LRRK2: variants seen among roughly 807,000 people sequenced by gnomAD.
The protein encoded by LRRK2 is leucine-rich repeat serine/threonine-protein kinase 2.
LRRK2 carries 203 observed loss-of-function variants against 302.6 expected under a neutral mutation model. That is an observed-to-expected ratio of 0.67 (90% CI 0.60 to 0.75). LRRK2 has a LOEUF of 0.75. LRRK2 is among the 30% of genes least tolerant of loss of function. The probability of loss-of-function intolerance (pLI) is 0.00; values close to 1 mark genes in which losing one functional copy is unlikely to be tolerated. For missense variants in LRRK2, 2,830 were observed against 2,951.0 expected (o/e 0.96, Z 0.95); for synonymous variants, 1,066 against 1,031.9 (o/e 1.03, Z -0.63).
rs911609854 is a variant in LRRK2, at chr12:40,321,055, G to C, written c.5037G>C (p.Val1679=). The stretch of plus-strand genomic sequence containing the variant: ...TTAGTTTGTCTGACCACAGGCCTGT[G>C]ATAGAGCTTCCCCATTGTGAGAACT... The part of the protein sequence containing the change: ...VPSSLSDHRP[V]IELPHCENSE... Residue 1679 remains valine, a synonymous_variant, in exon 35 of 51, where the codon GTG becomes GTC. Coordinates refer to ENST00000298910, the MANE Select transcript of LRRK2 (RefSeq NM_198578.4). The C allele has an allele frequency of 1.9e-6, 3 of 1,612,652 alleles. No individual in the cohort carries two copies. The highest frequency in any genetic ancestry group is 8.5e-7 in the Non-Finnish European group (1 of 1,178,986).
intron 20 of LRRK2, among the ~76,000 whole-genome samples, chr12:40,292,369 ATGCC>A (rs1944191782): frequency 6.6e-6 from 1 of 152,044 alleles, no homozygotes; most frequent in African/African-American, 2.4e-5. Context: ...TTACTCTATC[ATGCC>A]TGAAAGAACT....
chr12:40,296,051 C>T (rs915065701), intron 23 of LRRK2, among the ~76,000 whole-genome samples: 5 of 152,114 alleles, frequency 3.3e-5, no homozygotes, highest in African/African-American at 9.7e-5. Flanking sequence ...CATGTCACTC[C>T]GCCTGCTCTA....
intron 20 of LRRK2, among the ~76,000 whole-genome samples, chr12:40,290,237 T>C (rs975515378): frequency 4.6e-5 from 7 of 152,058 alleles, no homozygotes; most frequent in African/African-American, 1.7e-4. Context: ...GATTTTCTAA[T>C]GTTAAACCAA....
intron 3 of LRRK2, 42 bp from the exon 4 acceptor site, chr12:40,235,584 A>T: frequency 1.5e-6 from 2 of 1,328,354 alleles, no homozygotes; most frequent in Non-Finnish European, 2.2e-6. Flanking sequence ...ACTTTTGAGT[A>T]TGATATTTCA....
chr12:40,241,802 C>T (rs1941732928), intron 6 of LRRK2, among the ~76,000 whole-genome samples: 1 of 152,056 alleles, frequency 6.6e-6, no homozygotes, highest in African/African-American at 2.4e-5. Context: ...AACCCAATGC[C>T]CTTGTGAAAG....
In LRRK2 at chr12:40,305,939, T is replaced by A; in HGVS notation, c.3932T>A (p.Ile1311Lys). ...CATCTTAACTTTGATTTTAAACATA[T>A]AGGATGTAAAGCCAAAGACATCATA... is the stretch of plus-strand genomic sequence containing the variant. ...ELHLNFDFKH[I>K]GCKAKDIIRF... The change falls in exon 28 of 51, where the codon ATA (isoleucine) becomes AAA (lysine). Residue 1311 changes from isoleucine to lysine, a missense_variant. Ile to Lys is a moderately radical substitution (Grantham distance 102). Coordinates refer to ENST00000298910, the MANE Select transcript of LRRK2 (RefSeq NM_198578.4). The A allele has an allele frequency of 6.2e-7, 1 of 1,611,602 alleles. No homozygotes were observed. Among genetic ancestry groups the A allele is most frequent in the Non-Finnish European group, 8.5e-7 (1 of 1,178,382 alleles).
In LRRK2 at chr12:40,263,913, A is replaced by G. The variant is rs201682413; in HGVS notation, c.1656+12A>G. Reference sequence around the variant, plus strand: ...CAGCTTTGAACAGGGTATGTTGAATATAAGTTTTCTGTATTTATACTATTA... The same window carrying G: ...CAGCTTTGAACAGGGTATGTTGAATGTAAGTTTTCTGTATTTATACTATTA... On this transcript the variant is annotated intron_variant, in intron 14 of 50. Coordinates refer to ENST00000298910, the MANE Select transcript of LRRK2 (RefSeq NM_198578.4). 1.3e-6 allele frequency: 2 copies of G among 1,563,762 alleles called. No individual in the cohort carries two copies. Among genetic ancestry groups the G allele is most frequent in the Non-Finnish European group, 1.8e-6 (2 of 1,135,060 alleles).
chr12:40,261,037 T>C (rs1592178832), intron 13 of LRRK2, among the ~76,000 whole-genome samples: 2 of 152,206 alleles, frequency 1.3e-5, no homozygotes, highest in Non-Finnish European at 2.9e-5. Flanking sequence ...CAGTCATTTT[T>C]TTCTGGGCCC....
Position 40,239,109 on chromosome 12 carries a change from G to A in LRRK2, c.571+1006G>A, listed in dbSNP as rs183150227. Reference sequence around the variant, plus strand: ...AGATAAAAGTAAACCTATTATTCAGGAGAAGCAATTGGTCTCATGGGAGAT... The same window carrying A: ...AGATAAAAGTAAACCTATTATTCAGAAGAAGCAATTGGTCTCATGGGAGAT... On this transcript the variant is annotated intron_variant, in intron 5 of 50. Coordinates refer to ENST00000298910, the MANE Select transcript of LRRK2 (RefSeq NM_198578.4). 4.9e-4 allele frequency among the ~76,000 whole-genome samples: 75 copies of A among 152,264 alleles called. 1 individual carries two copies. The highest frequency in any genetic ancestry group is 3.1e-3 in the South Asian group (15 of 4,828).
intron 48 of LRRK2, among the ~76,000 whole-genome samples, chr12:40,364,450 T>C (rs558203154): frequency 3.2e-4 from 48 of 152,118 alleles, no homozygotes; most frequent in African/African-American, 1.1e-3. Context: ...ATCTTTTACA[T>C]GTGAATGACT....
rs1945454050 is a variant in LRRK2, at chr12:40,323,302, C to T, written c.5652C>T (p.Leu1884=). The stretch of plus-strand genomic sequence containing the variant: ...AATTTGAACAAGCTCCAGAGTTTCT[C>T]CTAGGTAATTCTTTTTGTTAATTTG... ...ELEFEQAPEF[L]LGDGSFGSVY... is the part of the protein sequence containing the mutation. The change falls in exon 38 of 51, where the codon CTC becomes CTT. Residue 1884 remains leucine, a synonymous_variant. Transcript: ENST00000298910. The T allele has an allele frequency of 1.2e-6, 2 of 1,609,704 alleles. No individual in the cohort carries two copies. Among genetic ancestry groups the T allele is most frequent in the Non-Finnish European group, 1.7e-6 (2 of 1,177,736 alleles).
At chr12:40,357,373 T>C (rs908624050) in intron 46 of LRRK2, among the ~76,000 whole-genome samples, 1 of 144,604 alleles carries the variant, frequency 6.9e-6, no homozygotes, top group Non-Finnish European at 1.5e-5. Flanking sequence ...CTTTTTTTTT[T>C]AGCTATTGTG....
At position 40,225,006 on chromosome 12, in the gene LRRK2, G is replaced by T; in HGVS notation, c.-126G>T. ...GGGCGTGGGCGCCGATGGGGCCCGC[G>T]GGGAGCGCTGGCTGCGGGCGGTGAG... is the stretch of plus-strand genomic sequence containing the variant. On this transcript the variant is annotated 5_prime_UTR_variant, in exon 1 of 51. Transcript: ENST00000298910. The T allele has an allele frequency of 7.8e-7, 1 of 1,284,944 alleles. No homozygotes were observed. Among genetic ancestry groups the T allele is most frequent in the Non-Finnish European group, 1.1e-6 (1 of 914,926 alleles). The allele number at this position is 1,284,944 out of a possible 1,614,324, so 79.6% of individuals were successfully genotyped here.
Position 40,305,977 on chromosome 12 carries a change from T to A in LRRK2, c.3959+11T>A. 6.3e-7 allele frequency: 1 copy of A among 1,592,028 alleles called. No individual in the cohort carries two copies. The highest frequency in any genetic ancestry group is 1.1e-5 in the South Asian group (1 of 89,046). On this transcript the variant is annotated intron_variant, in intron 28 of 50. Coordinates refer to ENST00000298910, the MANE Select transcript of LRRK2 (RefSeq NM_198578.4). ...CAAAGACATCATAAGGTTAGATAAT[T>A]TTTTTCTATTTGGTTTTACTAAATT...
At position 40,354,357 on chromosome 12, in the gene LRRK2, A is replaced by C; in HGVS notation, c.6635A>C (p.Glu2212Ala). The change falls in exon 45 of 51, where the codon GAA (glutamate) becomes GCA (alanine). Residue 2212 changes from glutamate (E) to alanine (A), a missense_variant. Physicochemically the swap from Glu to Ala is moderately radical, Grantham distance 107. This residue lies in a region of LRRK2 where 456 missense variants were observed against 456.3 expected (regional missense o/e 1.00). Transcript: ENST00000298910. ...LALVHLPVEK[E>A]SWIVSGTQSG... ...TTGGTGCATCTTCCTGTTGAAAAGG[A>C]AAGCTGGATTGTGTCTGGGACACAG... The C allele has an allele frequency of 6.2e-7, 1 of 1,614,136 alleles. No homozygotes were observed.
chr12:40,332,085 T>G (rs1160476021), intron 39 of LRRK2, among the ~76,000 whole-genome samples: 2 of 152,210 alleles, frequency 1.3e-5, no homozygotes, highest in Non-Finnish European at 2.9e-5. Context: ...CATCTGTGCT[T>G]TTCTCAACAA....
At chr12:40,357,406 G>T (rs892493985) in intron 46 of LRRK2, among the ~76,000 whole-genome samples, 8 of 152,034 alleles carry the variant, frequency 5.3e-5, no homozygotes, top group Non-Finnish European at 7.4e-5. Flanking sequence ...ATAAACATGG[G>T]GATATAGGAA....
At position 40,310,658 on chromosome 12, in the gene LRRK2, G is replaced by A. The variant is rs1013709497; in HGVS notation, c.4536+9G>A. ...AGAGCCTTAATTTCAAGGTAACATG[G>A]TAGGCTGGTAGAGAAATGTAATTTA... On this transcript the variant is annotated intron_variant, in intron 31 of 50. Transcript: ENST00000298910. The A allele has an allele frequency of 1.9e-6, 3 of 1,611,540 alleles. No homozygotes were observed. The highest frequency in any genetic ancestry group is 2.5e-6 in the Non-Finnish European group (3 of 1,178,382).
intron 47 of LRRK2, among the ~76,000 whole-genome samples, chr12:40,362,222 C>T (rs1946734857): frequency 6.6e-6 from 1 of 151,880 alleles, no homozygotes; most frequent in Non-Finnish European, 1.5e-5. Flanking sequence ...CGTAGTGGCT[C>T]TCTGACAACA....
Sources: gnomAD v4.1 joint callset for allele counts (sites outside exome capture counted in the v4.1 genomes callset) on GRCh38, gnomAD v4.1.1 for gene constraint, gnomAD v4.1.1 regional missense constraint, MANE v1.5 for transcripts, NCBI Gene and HGNC (gene_info 2026-07-23, HGNC 2026-07-21) for gene names.